The following RGSL1 variants were observed in gnomAD, a reference collection of about 807,000 sequenced individuals.
RGSL1 encodes regulator of G protein signaling protein-like.
A neutral mutation model predicts 124.7 loss-of-function variants in RGSL1; 97 were observed. The observed-to-expected ratio is 0.78, with a 90% CI of 0.66 to 0.92. RGSL1 has a LOEUF of 0.92. Among genes scored for constraint, RGSL1 ranks in the 40% least tolerant of loss-of-function variants. The pLI, the probability that RGSL1 is intolerant of heterozygous loss-of-function variation, is 0.00. For missense variants in RGSL1, 1,233 were observed against 1,288.4 expected (o/e 0.96, Z 0.66); for synonymous variants, 424 against 438.1 (o/e 0.97, Z 0.40).
chr1:182,470,475 C>G (rs1653741129), intron 4 of RGSL1, among the ~76,000 whole-genome samples: 1 of 152,118 alleles, frequency 6.6e-6, no homozygotes, highest in Non-Finnish European at 1.5e-5. Flanking sequence ...TGGCTTTTTC[C>G]TCTACCCAGA....
chr1:182,548,951 T>A (rs1200991165), intron 17 of RGSL1, 127 bp downstream of exon 17: 1 of 1,209,368 alleles, frequency 8.3e-7, no homozygotes, highest in Non-Finnish European at 1.1e-6. Context: ...TAAGATGGTG[T>A]TTTCAAAATC....
Position 182,460,018 on chromosome 1 carries a change from AG to A in RGSL1, c.189del (p.Leu64TyrfsTer2). The stretch of plus-strand genomic sequence containing the variant: ...TTTGACTCTAGATTGCCAAATACAA[AG>A]GGTTATTGACCTGGTTGGAAAAATG... ...IPCNLIAKYKGLLTWLEKCRL... is the reference protein window; with the variant it reads ...IPCNLIAKYKXLLTWLEKCRL... On this transcript the variant is annotated frameshift_variant, in exon 4 of 22. Coordinates refer to ENST00000294854, the MANE Select transcript of RGSL1 (RefSeq NM_001137669.2). LOFTEE classifies it high-confidence loss of function. The A allele has an allele frequency of 1.3e-6, 2 of 1,551,336 alleles. No homozygotes were observed. The highest frequency in any genetic ancestry group is 1.7e-6 in the Non-Finnish European group (2 of 1,146,896).
chr1:182,508,722 T>A (rs1388493405), intron 9 of RGSL1, among the ~76,000 whole-genome samples: 1 of 139,738 alleles, frequency 7.2e-6, no homozygotes, highest in Non-Finnish European at 1.5e-5. Context: ...AATTCTTGGG[T>A]GTTTCTCACA....
chr1:182,495,713 C>T (rs1655864796), intron 9 of RGSL1, among the ~76,000 whole-genome samples: 1 of 152,150 alleles, frequency 6.6e-6, no homozygotes, highest in Non-Finnish European at 1.5e-5. Context: ...TGAGATGGTC[C>T]ATTCATGAAA....
intron 18 of RGSL1, among the ~76,000 whole-genome samples, chr1:182,553,232 T>A (rs1419180752): frequency 6.6e-6 from 1 of 152,208 alleles, no homozygotes; most frequent in African/African-American, 2.4e-5. Flanking sequence ...AGGTCTTGCC[T>A]CTTAATACCA....
At position 182,540,290 on chromosome 1, in the gene RGSL1, C is replaced by T. The variant is rs749776467; in HGVS notation, c.2538C>T (p.Pro846=). The T allele has an allele frequency of 5.8e-6, 9 of 1,551,480 alleles. No homozygotes were observed. In the South Asian group the frequency reaches 1.1e-4, roughly 18 times the overall value. The change falls in exon 15 of 22, where the codon CCC becomes CCT. Residue 846 remains proline (P), a synonymous_variant. Coordinates refer to ENST00000294854, the MANE Select transcript of RGSL1 (RefSeq NM_001137669.2). ...AHNTSGRSAP[P]STNVRSADQE... ...ACACATCGGGACGTTCAGCTCCACC[C>T]TCCACAAATGTCCGGAGTGCAGACC...
intron 6 of RGSL1, among the ~76,000 whole-genome samples, chr1:182,475,208 A>C (rs980270047): frequency 6.6e-6 from 1 of 152,228 alleles, no homozygotes; most frequent in Admixed American, 6.5e-5. Flanking sequence ...TGTATTGAAA[A>C]GCAAGGTCTC....
At chr1:182,484,745 G>C (rs1477053881) in intron 6 of RGSL1, among the ~76,000 whole-genome samples, 1 of 152,214 alleles carries the variant, frequency 6.6e-6, no homozygotes, top group African/African-American at 2.4e-5. Flanking sequence ...TTCCCCAGGA[G>C]GGAGTGTAGA....
At chr1:182,533,072 C>T (rs756136530) in intron 14 of RGSL1, among the ~76,000 whole-genome samples, 3 of 151,994 alleles carry the variant, frequency 2.0e-5, no homozygotes, top group Non-Finnish European at 4.4e-5. Flanking sequence ...TGAATTTGCT[C>T]TTTAAAAATT....
chr1:182,460,560 C>T, intron 4 of RGSL1: 1 of 439,738 alleles, frequency 2.3e-6, no homozygotes, highest in Non-Finnish European at 4.5e-6. Context: ...GAATTTCTTA[C>T]CTAGTTAATG....
At chr1:182,508,315 T>TC in intron 9 of RGSL1, among the ~76,000 whole-genome samples, 1 of 145,264 alleles carries the variant, frequency 6.9e-6, no homozygotes, top group African/African-American at 2.6e-5. Context: ...TTTTTTTTTT[T>TC]GAGATGGAGT....
intron 6 of RGSL1, 61 bp downstream of exon 6, chr1:182,474,603 A>C: frequency 6.8e-7 from 1 of 1,472,422 alleles, no homozygotes. Context: ...CTGACTAAAA[A>C]TCCCATCTGG....
intron 15 of RGSL1, 77 bp from the exon 16 acceptor site, chr1:182,548,240 G>T: frequency 2.0e-6 from 3 of 1,488,322 alleles, no homozygotes; most frequent in South Asian, 2.5e-5. Context: ...GGCCAGAAAT[G>T]AGTCTAGGCT....
In RGSL1 at chr1:182,545,985, T is replaced by C. The variant is rs1660188730; in HGVS notation, c.2670-2332T>C. On this transcript the variant is annotated intron_variant, in intron 15 of 21. Coordinates refer to ENST00000294854, the MANE Select transcript of RGSL1 (RefSeq NM_001137669.2). The stretch of plus-strand genomic sequence containing the variant: ...TCAAGTTTTAGAATGTTTTCTGTTA[T>C]TATTTTGAATAAGTTTTCTTTTCCT... Among the ~76,000 whole-genome samples, 3 of 152,210 alleles carry C rather than the reference T, an allele frequency of 2.0e-5. No homozygotes were observed. The South Asian group carries it at 6.2e-4, about 31-fold the overall frequency.
chr1:182,465,452 G>A (rs529968552), intron 4 of RGSL1, among the ~76,000 whole-genome samples: 22 of 141,824 alleles, frequency 1.6e-4, no homozygotes, highest in Admixed American at 4.4e-4. Flanking sequence ...ATCACACACC[G>A]GGGCCTATCA....
chr1:182,531,137 A>G (rs1302533056), intron 13 of RGSL1, among the ~76,000 whole-genome samples: 2 of 152,184 alleles, frequency 1.3e-5, no homozygotes, highest in African/African-American at 2.4e-5. Context: ...GTTAGTGTAG[A>G]GGACATGGAT....
intron 9 of RGSL1, among the ~76,000 whole-genome samples, chr1:182,511,585 G>T (rs1176968629): frequency 6.6e-6 from 1 of 152,102 alleles, no homozygotes; most frequent in African/African-American, 2.4e-5. Context: ...TTTATATCTG[G>T]GCTCTGTGTT....
chr1:182,526,709 G>A (rs542091408), intron 10 of RGSL1, among the ~76,000 whole-genome samples: 1 of 152,180 alleles, frequency 6.6e-6, no homozygotes, highest in Non-Finnish European at 1.5e-5. Flanking sequence ...AATACACCAT[G>A]TTAATAAAAT....
intron 2 of RGSL1, among the ~76,000 whole-genome samples, chr1:182,455,777 A>G (rs549058263): frequency 5.9e-5 from 9 of 152,362 alleles, no homozygotes; most frequent in Admixed American, 2.6e-4. Context: ...GCCACAAGAG[A>G]TAAGCTGCAC....
Sources: allele counts gnomAD v4.1 joint callset (sites outside exome capture counted in the v4.1 genomes callset), GRCh38; gene constraint gnomAD v4.1.1; transcripts MANE v1.5; gene names NCBI Gene and HGNC (gene_info 2026-07-23, HGNC 2026-07-21).